The following FBXO38 variants were observed in gnomAD, a reference collection of about 807,000 sequenced individuals.
FBXO38 encodes the protein F-box protein 38.
A neutral mutation model predicts 131.9 loss-of-function variants in FBXO38; 53 were observed. The observed-to-expected ratio is 0.40, with a 90% CI of 0.32 to 0.51. FBXO38 has a LOEUF of 0.51. Among genes scored for constraint, FBXO38 ranks in the 20% least tolerant of loss-of-function variants. FBXO38 has a pLI of 0.53. For synonymous variants in FBXO38, 452 were observed against 505.6 expected, an observed-to-expected ratio of 0.89 and a Z score of 1.42; for missense variants, 1,076 against 1,475.6, an observed-to-expected ratio of 0.73 and a Z score of 4.44.
chr5:148,410,378 G>T, intron 8 of FBXO38: 1 of 469,152 alleles, frequency 2.1e-6, no homozygotes, highest in Non-Finnish European at 3.8e-6. Context: ...CTCTTTTTTT[G>T]CCTGCTGCCA....
chr5:148,417,293 T>C (rs1753116711), intron 12 of FBXO38, 89 bp downstream of exon 12: 1 of 929,606 alleles, frequency 1.1e-6, no homozygotes. Flanking sequence ...TTTTCCCCTG[T>C]TTCAACTTGT....
At chr5:148,389,504 T>C (rs952288837) in intron 1 of FBXO38, among the ~76,000 whole-genome samples, 6 of 152,236 alleles carry the variant, frequency 3.9e-5, no homozygotes, top group Admixed American at 1.3e-4. Flanking sequence ...TGCCGATAAC[T>C]GGACTTTCCC....
chr5:148,398,348 T>TAAAG (rs1198323458), intron 2 of FBXO38, among the ~76,000 whole-genome samples: 1 of 150,256 alleles, frequency 6.7e-6, no homozygotes, highest in Non-Finnish European at 1.5e-5. Flanking sequence ...GAAAAGATAA[T>TAAAG]AAAGAAGAAT....
At chr5:148,416,735 A>C (rs748313399) in intron 11 of FBXO38, 1 of 435,552 alleles carries the variant, frequency 2.3e-6, no homozygotes, top group African/African-American at 2.0e-5. Context: ...CGGCTCTACC[A>C]CTTACTGGCC....
intron 1 of FBXO38, among the ~76,000 whole-genome samples, chr5:148,392,317 A>G (rs571432817): frequency 3.9e-5 from 6 of 152,150 alleles, no homozygotes; most frequent in Non-Finnish European, 8.8e-5. Flanking sequence ...ATCAGAATAT[A>G]TTTAGGATGA....
intron 1 of FBXO38, among the ~76,000 whole-genome samples, chr5:148,393,305 A>G (rs557818776): frequency 6.6e-6 from 1 of 151,670 alleles, no homozygotes; most frequent in South Asian, 2.1e-4. Context: ...GGAAGAAGAG[A>G]CCAGAACACA....
chr5:148,440,705 A>G lies in FBXO38; in HGVS notation c.3274+178A>G, dbSNP rs1754631312. ...GGATGAATGAATGATCCATCAATCA[A>G]TTAGTCAAACTGGTTTGGGCTTACA... On this transcript the variant is annotated intron_variant, in intron 20 of 21. Coordinates refer to ENST00000340253, the MANE Select transcript of FBXO38 (RefSeq NM_205836.3). Among the ~76,000 whole-genome samples, 3 of 151,850 alleles carry G rather than the reference A, an allele frequency of 2.0e-5. No individual in the cohort carries two copies. The South Asian group carries it at 6.2e-4, about 31-fold the overall frequency.
chr5:148,424,208 G>C, intron 13 of FBXO38, 91 bp downstream of exon 13: 2 of 1,295,960 alleles, frequency 1.5e-6, no homozygotes, highest in Non-Finnish European at 1.1e-6. Context: ...ATTGTTTTCT[G>C]ACCTTTCAGC....
intron 1 of FBXO38, among the ~76,000 whole-genome samples, chr5:148,389,022 A>G (rs1758058656): frequency 6.6e-6 from 1 of 152,122 alleles, no homozygotes; most frequent in South Asian, 2.1e-4. Flanking sequence ...AGAGTTCTTA[A>G]TTGGTCTAAT....
At chr5:148,422,040 CCTTT>C (rs916600012) in intron 12 of FBXO38, among the ~76,000 whole-genome samples, 1 of 148,056 alleles carries the variant, frequency 6.8e-6, no homozygotes, top group Non-Finnish European at 1.5e-5. Flanking sequence ...CTACATCAGA[CCTTT>C]CTCTTTTTTT....
chr5:148,411,826 T>C (rs147428143), intron 9 of FBXO38, among the ~76,000 whole-genome samples: 397 of 152,338 alleles, frequency 2.6e-3, no homozygotes, highest in African/African-American at 9.1e-3. Context: ...TTAATACATT[T>C]GATATCAAGC....
chr5:148,440,213 A>G (rs1754594694), intron 19 of FBXO38: 1 of 503,038 alleles, frequency 2.0e-6, no homozygotes, highest in East Asian at 3.4e-5. Flanking sequence ...TTTCCCTGAT[A>G]TGATTTTGAA....
intron 1 of FBXO38, 115 bp downstream of exon 1, chr5:148,384,154 C>T (rs1009511218): frequency 6.6e-6 from 1 of 152,590 alleles, no homozygotes; most frequent in African/African-American, 2.4e-5. Flanking sequence ...ACCGCTTAAG[C>T]TCGGCCTCTG....
chr5:148,387,117 A>G (rs1757954105), intron 1 of FBXO38, among the ~76,000 whole-genome samples: 2 of 152,162 alleles, frequency 1.3e-5, no homozygotes, highest in African/African-American at 4.8e-5. Flanking sequence ...GTAACATGCG[A>G]TGTATGATAG....
intron 15 of FBXO38, among the ~76,000 whole-genome samples, chr5:148,432,757 TAA>T (rs889011674): frequency 6.6e-6 from 1 of 152,200 alleles, no homozygotes; most frequent in African/African-American, 2.4e-5. Context: ...AAAGATGAAT[TAA>T]GAGAGTGTTG....
chr5:148,395,472 GT>G (rs5742007), intron 2 of FBXO38, among the ~76,000 whole-genome samples: 68,151 of 147,006 alleles, frequency 0.46, 16,036 homozygotes, highest in African/African-American at 0.61. Context: ...TATAACAACT[GT>G]TTTTTTTTTT....
At chr5:148,395,379 G>A (rs932000659) in intron 2 of FBXO38, among the ~76,000 whole-genome samples, 1 of 151,938 alleles carries the variant, frequency 6.6e-6, no homozygotes, top group African/African-American at 2.4e-5. Context: ...ATAACTAAAT[G>A]CAGTGCATAC....
At chr5:148,390,323 G>A (rs1405931030) in intron 1 of FBXO38, among the ~76,000 whole-genome samples, 2 of 152,170 alleles carry the variant, frequency 1.3e-5, no homozygotes, top group East Asian at 1.9e-4. Flanking sequence ...ACTTGGACTT[G>A]AGAAGGCTGC....
chr5:148,428,680 A>G (rs1753864703), intron 15 of FBXO38, among the ~76,000 whole-genome samples: 2 of 152,188 alleles, frequency 1.3e-5, no homozygotes, highest in African/African-American at 2.4e-5. Context: ...TTCTTCAAGT[A>G]GCCCTCAGTT....
Sources: gnomAD v4.1 joint callset for allele counts (sites outside exome capture counted in the v4.1 genomes callset) on GRCh38, gnomAD v4.1.1 for gene constraint, MANE v1.5 for transcripts, NCBI Gene and HGNC (gene_info 2026-07-23, HGNC 2026-07-21) for gene names.